The following ZNF347 variants were observed in gnomAD, a reference collection of about 807,000 sequenced individuals.
ZNF347 encodes the protein CTD-2620I22.7.
In ZNF347, 19 loss-of-function variants were observed where a neutral mutation model predicts 12.9. The observed-to-expected ratio is 1.47, with a 90% CI of 1.03 to 2.16. The LOEUF is 2.16. Ranked by LOEUF, ZNF347 falls within the 30% of genes most tolerant of loss-of-function variation. ZNF347 has a pLI of 0.00. For missense variants in ZNF347, 1,005 were observed against 990.6 expected (o/e 1.01, Z -0.19); for synonymous variants, 328 against 340.6 (o/e 0.96, Z 0.41).
Position 53,139,294 on chromosome 19 carries a change from CAATT to C in ZNF347, c.*1010_*1013del, listed in dbSNP as rs1479083611. ...TTTCTGCCCCAAAACCATGGTCTCTCAATTGAGAGAATATTTAATTTTACAAGGC... is the reference window on the plus strand; with the variant it reads ...TTTCTGCCCCAAAACCATGGTCTCTCGAGAGAATATTTAATTTTACAAGGC... On this transcript the variant is annotated 3_prime_UTR_variant, in exon 5 of 5. Coordinates refer to ENST00000334197, the MANE Select transcript of ZNF347 (RefSeq NM_032584.3). The C allele has an allele frequency of 6.6e-6, 1 of 152,160 alleles. No homozygotes were observed. Among genetic ancestry groups the C allele is most frequent in the Admixed American group, 6.5e-5 (1 of 15,268 alleles). 9.4% of individuals were successfully genotyped at this position (152,160 alleles called of 1,614,324 possible).
chr19:53,139,836 T>C lies in ZNF347; in HGVS notation c.*472A>G, dbSNP rs1431977946. 6.4e-6 allele frequency: 1 copy of C among 157,444 alleles called. No homozygotes were observed. Among genetic ancestry groups the C allele is most frequent in the Non-Finnish European group, 1.4e-5 (1 of 71,026 alleles). The allele number at this position is 157,444 out of a possible 1,614,324, so 9.8% of individuals were successfully genotyped here. A position where few individuals can be genotyped will look rare whatever the true frequency, so the allele number is the denominator to read the frequency against. On this transcript the variant is annotated 3_prime_UTR_variant, in exon 5 of 5. Coordinates refer to ENST00000334197, the MANE Select transcript of ZNF347 (RefSeq NM_032584.3). ...CACAGTACATTTATGTGATTTCTCA[T>C]TATTATGGACTCTTGGATGTCTATT... is the stretch of plus-strand genomic sequence containing the variant.
intron 2 of ZNF347, among the ~76,000 whole-genome samples, chr19:53,150,169 C>T (rs1286957587): frequency 1.3e-5 from 2 of 152,066 alleles, no homozygotes; most frequent in Non-Finnish European, 2.9e-5. Context: ...TTGGATTGAG[C>T]CCTCAACCTG....
intron 2 of ZNF347, 79 bp downstream of exon 2, chr19:53,153,654 G>C (rs943946419): frequency 6.4e-7 from 1 of 1,570,186 alleles, no homozygotes; most frequent in African/African-American, 1.4e-5. Flanking sequence ...TTCAGACTCA[G>C]AGAAGATTCC....
chr19:53,151,347 A>G (rs540603152), intron 2 of ZNF347, among the ~76,000 whole-genome samples: 48 of 152,124 alleles, frequency 3.2e-4, no homozygotes, highest in Non-Finnish European at 4.9e-4. Context: ...CATCCTGGCT[A>G]ACATGGTGAA....
At position 53,148,776 on chromosome 19, in the gene ZNF347, A is replaced by C. The variant is rs542475240; in HGVS notation, c.176T>G (p.Met59Arg). ...ISCFDLSIIS[M>R]LEQGKEPFTL... The stretch of plus-strand genomic sequence containing the variant: ...GAAAGGCTCCTTCCCTTGCTCCAAC[A>C]TAGAGATAATACTGAGGTCAAAACA... Residue 59 changes from methionine (M) to arginine (R), a missense_variant, in exon 4 of 5, where the codon ATG becomes AGG. Coordinates refer to ENST00000334197, the MANE Select transcript of ZNF347 (RefSeq NM_032584.3). The C allele has an allele frequency of 1.9e-6, 3 of 1,613,958 alleles. No homozygotes were observed. Among genetic ancestry groups the C allele is most frequent in the Admixed American group, 1.7e-5 (1 of 59,996 alleles).
rs2090408312 is a variant in ZNF347, at chr19:53,139,828, A to G, written c.*480T>C. ...CTGTCACACACAGTACATTTATGTG[A>G]TTTCTCATTATTATGGACTCTTGGA... On this transcript the variant is annotated 3_prime_UTR_variant, in exon 5 of 5. Coordinates refer to ENST00000334197, the MANE Select transcript of ZNF347 (RefSeq NM_032584.3). 1 of 157,078 alleles carries G rather than the reference A, an allele frequency of 6.4e-6. No homozygotes were observed. The highest frequency in any genetic ancestry group is 1.4e-5 in the Non-Finnish European group (1 of 70,874). The allele number at this position is 157,078 out of a possible 1,614,324, so 9.7% of individuals were successfully genotyped here. A position where few individuals can be genotyped will look rare whatever the true frequency, so the allele number is the denominator to read the frequency against.
Position 53,141,661 on chromosome 19 carries a change from A to G in ZNF347, c.1167T>C (p.Ala389=). The change falls in exon 5 of 5, where the codon GCT becomes GCC. Residue 389 remains alanine, a synonymous_variant. Transcript: ENST00000334197. ...CTCCACTGTGGGTTGCCTGATGGAT[A>G]GCTAAGCTTGAACGAGCTCTAAAGG... The part of the protein sequence containing the change: ...GKAFRARSSL[A]IHQATHSGEK... 6.2e-7 allele frequency: 1 copy of G among 1,613,910 alleles called. No individual in the cohort carries two copies. Among genetic ancestry groups the G allele is most frequent in the Non-Finnish European group, 8.5e-7 (1 of 1,179,978 alleles).
intron 1 of ZNF347, among the ~76,000 whole-genome samples, chr19:53,156,034 G>A (rs1022524948): frequency 3.1e-5 from 4 of 128,428 alleles, no homozygotes; most frequent in African/African-American, 1.2e-4. Flanking sequence ...ACTCCCAGGG[G>A]ACTCCCAGCT....
At position 53,142,241 on chromosome 19, in the gene ZNF347, T is replaced by C; in HGVS notation, c.587A>G (p.Gln196Arg). Residue 196 changes from glutamine (Q) to arginine (R), a missense_variant, in exon 5 of 5, where the codon CAG becomes CGG. Coordinates refer to ENST00000334197, the MANE Select transcript of ZNF347 (RefSeq NM_032584.3). ...AATTTTCCCTTCATATTGAAAAAGCTGCAGTTCAGGCAGATGTGACTGAAG... is the reference window on the plus strand; with the variant it reads ...AATTTTCCCTTCATATTGAAAAAGCCGCAGTTCAGGCAGATGTGACTGAAG... The part of the protein sequence containing the change: ...LSLQSHLPEL[Q>R]LFQYEGKIYE... 1 of 1,613,130 alleles carries C rather than the reference T, an allele frequency of 6.2e-7. No homozygotes were observed. Among genetic ancestry groups the C allele is most frequent in the Non-Finnish European group, 8.5e-7 (1 of 1,179,714 alleles).
chr19:53,142,106 T>C lies in ZNF347; in HGVS notation c.722A>G (p.Asp241Gly). The C allele has an allele frequency of 4.3e-6, 7 of 1,612,720 alleles. No individual in the cohort carries two copies. The highest frequency in any genetic ancestry group is 5.9e-6 in the Non-Finnish European group (7 of 1,179,690). ...KTHISKKYLKDFISSLLLTQG... is the reference protein window; with the variant it reads ...KTHISKKYLKGFISSLLLTQG... ...TGTGAGTAATAAAGAAGAGATAAAA[T>C]CTTTGAGATATTTCTTAGAAATGTG... The change falls in exon 5 of 5, where the codon GAT (aspartate) becomes GGT (glycine). Residue 241 changes from aspartate (D) to glycine (G), a missense_variant. Asp to Gly is a moderately conservative substitution (Grantham distance 94, BLOSUM62 -1). Coordinates refer to ENST00000334197, the MANE Select transcript of ZNF347 (RefSeq NM_032584.3).
Position 53,148,696 on chromosome 19 carries a change from T to G in ZNF347, c.256A>C (p.Lys86Gln). 1 of 1,613,792 alleles carries G rather than the reference T, an allele frequency of 6.2e-7. No individual in the cohort carries two copies. The highest frequency in any genetic ancestry group is 1.3e-5 in the African/African-American group (1 of 75,044). ...GAACTCTTACCTGTGATCACAGCTT[T>G]GATCCATTCCCATCCATCTGGGTTT... ...AGNPDGWEWI[K>Q]AVITALSSEF... Residue 86 changes from lysine to glutamine, a missense_variant, in exon 4 of 5, where the codon AAA becomes CAA. By Grantham distance (53) the Lys-to-Gln change is moderately conservative. Transcript: ENST00000334197.
chr19:53,143,288 A>G (rs1599853755), intron 4 of ZNF347, among the ~76,000 whole-genome samples: 1 of 151,946 alleles, frequency 6.6e-6, no homozygotes, highest in African/African-American at 2.4e-5. Context: ...CAGGTTAGTT[A>G]CATATGTATA....
chr19:53,148,563 T>A, intron 4 of ZNF347, 118 bp downstream of exon 4: 1 of 1,233,230 alleles, frequency 8.1e-7, no homozygotes. Context: ...CAAATAAAGA[T>A]TTCTGTTCTG....
In ZNF347 at chr19:53,138,817, G is replaced by A. The variant is rs988738108; in HGVS notation, c.*1491C>T. On this transcript the variant is annotated 3_prime_UTR_variant, in exon 5 of 5. Transcript: ENST00000334197. ...GATTTGTTTATAGTTATAAGAAAAC[G>A]TTGAATTTTTTTTAGCAAAACATTA... 3.9e-5 allele frequency: 6 copies of A among 152,050 alleles called. No homozygotes were observed. Among genetic ancestry groups the A allele is most frequent in the Non-Finnish European group, 8.8e-5 (6 of 68,014 alleles). The allele number at this position is 152,050 out of a possible 1,614,324, so 9.4% of individuals were successfully genotyped here.
intron 2 of ZNF347, among the ~76,000 whole-genome samples, chr19:53,151,957 G>A (rs1001334137): frequency 6.6e-6 from 1 of 151,798 alleles, no homozygotes; most frequent in African/African-American, 2.4e-5. Flanking sequence ...GCCGGGTGTG[G>A]TGGTGGACAT....
chr19:53,154,808 A>G (rs1421057938), intron 1 of ZNF347, among the ~76,000 whole-genome samples: 1 of 152,116 alleles, frequency 6.6e-6, no homozygotes, highest in Admixed American at 6.6e-5. Flanking sequence ...TGATTCAAGC[A>G]AGAGTTCAAG....
chr19:53,138,954 T>G lies in ZNF347; in HGVS notation c.*1354A>C, dbSNP rs2090402266. 6.6e-6 allele frequency: 1 copy of G among 152,210 alleles called. No individual in the cohort carries two copies. Among genetic ancestry groups the G allele is most frequent in the Non-Finnish European group, 1.5e-5 (1 of 68,032 alleles). The allele number at this position is 152,210 out of a possible 1,614,324, so 9.4% of individuals were successfully genotyped here. A position where few individuals can be genotyped will look rare whatever the true frequency, so the allele number is the denominator to read the frequency against. On this transcript the variant is annotated 3_prime_UTR_variant, in exon 5 of 5. Coordinates refer to ENST00000334197, the MANE Select transcript of ZNF347 (RefSeq NM_032584.3). ...AAAAACCATGGTATTCTGGTTTTTC[T>G]GACCAAGCTCTCCACTCTAATAACT...
chr19:53,154,627 G>A (rs2090520179), intron 1 of ZNF347, among the ~76,000 whole-genome samples: 1 of 152,270 alleles, frequency 6.6e-6, no homozygotes, highest in Admixed American at 6.5e-5. Flanking sequence ...GATGTGTAAA[G>A]CTTAACGGGA....
In ZNF347 at chr19:53,141,799, T is replaced by C. The variant is rs1251005382; in HGVS notation, c.1029A>G (p.Lys343=). 1.2e-5 allele frequency: 19 copies of C among 1,613,918 alleles called. 1 individual carries two copies. Among genetic ancestry groups the C allele is most frequent in the South Asian group, 2.2e-5 (2 of 91,046 alleles). The change falls in exon 5 of 5, where the codon AAA becomes AAG. Residue 343 remains lysine, a synonymous_variant. Coordinates refer to ENST00000334197, the MANE Select transcript of ZNF347 (RefSeq NM_032584.3). ...TGCCACATTCGTTACATTTATAAGG[T>C]TTCTCTCCAGTGTGAATTTTCTGAT... ...SQHQKIHTGE[K]PYKCNECGKV... is the part of the protein sequence containing the mutation.
Sources: gnomAD v4.1 joint callset for allele counts (sites outside exome capture counted in the v4.1 genomes callset) on GRCh38, gnomAD v4.1.1 for gene constraint, MANE v1.5 for transcripts, NCBI Gene and HGNC (gene_info 2026-07-23, HGNC 2026-07-21) for gene names.